Variants in NOSTRIN observed in about 807,000 individuals in gnomAD.
The protein encoded by NOSTRIN is nitric oxide synthase trafficking, also known as BM247 homolog.
In NOSTRIN, 63 loss-of-function variants were observed where a neutral mutation model predicts 59.0. That is an observed-to-expected ratio of 1.07 (90% CI 0.87 to 1.32). The LOEUF (loss-of-function observed/expected upper bound fraction) is 1.32, where lower values mean the gene tolerates loss of function less well. Ranked by LOEUF, NOSTRIN falls within the 40% of genes most tolerant of loss-of-function variation. The pLI, the probability that NOSTRIN is intolerant of heterozygous loss-of-function variation, is 0.00. For synonymous variants in NOSTRIN, 200 were observed against 165.4 expected (o/e 1.21, Z -1.61); for missense variants, 512 against 473.1 (o/e 1.08, Z -0.76).
At chr2:168,838,153 C>G (rs2105692426) in intron 7 of NOSTRIN, among the ~76,000 whole-genome samples, 1 of 152,352 alleles carries the variant, frequency 6.6e-6, no homozygotes, top group East Asian at 1.9e-4. Flanking sequence ...CTGTAAACTG[C>G]TTTCTGACTC....
At chr2:168,864,810 A>ATTTGTCTAACTGTAT in intron 15 of NOSTRIN, 24 bp from the exon 16 acceptor site, 1 of 1,613,272 alleles carries the variant, frequency 6.2e-7, no homozygotes, top group South Asian at 1.1e-5. Flanking sequence ...ACAGAGACCC[A>ATTTGTCTAACTGTAT]TTTGTCTAAC....
upstream of NOSTRIN, among the ~76,000 whole-genome samples, chr2:168,795,969 A>G (rs906427413): frequency 6.6e-6 from 1 of 152,208 alleles, no homozygotes; most frequent in African/African-American, 2.4e-5. Flanking sequence ...AATTTTTTTT[A>G]AAATATGTGC....
chr2:168,860,700 A>G, intron 13 of NOSTRIN, 95 bp from the exon 14 acceptor site: 1 of 810,046 alleles, frequency 1.2e-6, no homozygotes, highest in Admixed American at 2.4e-5. Flanking sequence ...AAACAGAAAA[A>G]ACAACTTGAG....
At chr2:168,816,308 G>A (rs146189468) in intron 2 of NOSTRIN, among the ~76,000 whole-genome samples, 315 of 152,210 alleles carry the variant, frequency 2.1e-3, no homozygotes, top group African/African-American at 7.3e-3. Context: ...TGTTTAAGAC[G>A]CTTCAAAGAC....
At chr2:168,823,218 G>A (rs990463401) in intron 2 of NOSTRIN, among the ~76,000 whole-genome samples, 2 of 151,902 alleles carry the variant, frequency 1.3e-5, no homozygotes, top group East Asian at 1.9e-4. Context: ...GGGTTTCACT[G>A]TGTTAGCCAG....
chr2:168,791,569 T>C (rs1303349996), intron 2 of NOSTRIN, among the ~76,000 whole-genome samples: 1 of 152,244 alleles, frequency 6.6e-6, no homozygotes, highest in African/African-American at 2.4e-5. Flanking sequence ...ATTGCCACAC[T>C]GTCTTCCACA....
chr2:168,856,780 TA>T lies in NOSTRIN; in HGVS notation c.1053+5del. The stretch of plus-strand genomic sequence containing the variant: ...GACACAGCAGCGTTAATGGATGAGG[TA>T]AATGTTTGCCGAGTGCATTTCCTAG... On this transcript the variant is annotated splice_donor_region_variant and intron_variant, in intron 12 of 15. Coordinates refer to ENST00000317647, the MANE Select transcript of NOSTRIN (RefSeq NM_001039724.4). The T allele has an allele frequency of 6.2e-7, 1 of 1,613,338 alleles. No individual in the cohort carries two copies. Among genetic ancestry groups the T allele is most frequent in the Non-Finnish European group, 8.5e-7 (1 of 1,179,262 alleles).
In NOSTRIN at chr2:168,828,141, CT is replaced by C. The variant is rs754502890; in HGVS notation, c.198-9del. ...AAATGACACTCACCTTTGTTCCCCACTTTTTTTTGCCTTTAGTTGTGTTAGC... is the reference window on the plus strand; with the variant it reads ...AAATGACACTCACCTTTGTTCCCCACTTTTTTTGCCTTTAGTTGTGTTAGC... On this transcript the variant is annotated splice_polypyrimidine_tract_variant and intron_variant, in intron 3 of 15. Coordinates refer to ENST00000317647, the MANE Select transcript of NOSTRIN (RefSeq NM_001039724.4). The C allele has an allele frequency of 8.0e-6, 7 of 870,268 alleles. No homozygotes were observed. Among genetic ancestry groups the C allele is most frequent in the Admixed American group, 3.4e-5 (2 of 58,916 alleles). The allele number at this position is 870,268 out of a possible 1,614,324, so 53.9% of individuals were successfully genotyped here.
At chr2:168,804,169 TCA>T (rs968097411) in intron 1 of NOSTRIN, among the ~76,000 whole-genome samples, 1 of 152,200 alleles carries the variant, frequency 6.6e-6, no homozygotes, top group Non-Finnish European at 1.5e-5. Context: ...AGTCAAGTCT[TCA>T]GACGTGGAGA....
At chr2:168,845,053 G>A (rs578185282) in intron 8 of NOSTRIN, among the ~76,000 whole-genome samples, 14 of 150,102 alleles carry the variant, frequency 9.3e-5, no homozygotes, top group Non-Finnish European at 1.8e-4. Flanking sequence ...AATTAAAGGA[G>A]AGATGAAAAC....
intron 8 of NOSTRIN, among the ~76,000 whole-genome samples, chr2:168,849,972 G>A (rs1205807104): frequency 6.7e-6 from 1 of 149,656 alleles, no homozygotes; most frequent in African/African-American, 2.5e-5. Flanking sequence ...CTGGAGTGCA[G>A]TAGCATGATC....
At chr2:168,806,018 T>C (rs1559104201) in intron 1 of NOSTRIN, among the ~76,000 whole-genome samples, 1 of 152,176 alleles carries the variant, frequency 6.6e-6, no homozygotes, top group South Asian at 2.1e-4. Context: ...GACTATGCTC[T>C]TTAATGTTCC....
At chr2:168,858,791 G>C (rs531539604) in intron 12 of NOSTRIN, among the ~76,000 whole-genome samples, 12 of 152,174 alleles carry the variant, frequency 7.9e-5, no homozygotes, top group Admixed American at 2.0e-4. Context: ...CTGGAGGTGT[G>C]GGGGAGAGAG....
intron 2 of NOSTRIN, among the ~76,000 whole-genome samples, chr2:168,791,268 T>G (rs2105497459): frequency 6.6e-6 from 1 of 152,330 alleles, no homozygotes; most frequent in South Asian, 2.1e-4. Context: ...TTGCAATAGT[T>G]TGCTGAGAAT....
At chr2:168,835,408 A>C (rs915940453) in intron 7 of NOSTRIN, among the ~76,000 whole-genome samples, 5 of 152,174 alleles carry the variant, frequency 3.3e-5, no homozygotes, top group African/African-American at 1.2e-4. Flanking sequence ...TTTGTTCATC[A>C]AATTTTTTGT....
At chr2:168,860,156 T>A (rs1366524719) in intron 13 of NOSTRIN, among the ~76,000 whole-genome samples, 1 of 152,190 alleles carries the variant, frequency 6.6e-6, no homozygotes, top group Non-Finnish European at 1.5e-5. Flanking sequence ...TCTCAATCAT[T>A]TACAGGGTTG....
At chr2:168,825,777 C>G (rs1687029285) in intron 3 of NOSTRIN, among the ~76,000 whole-genome samples, 3 of 152,010 alleles carry the variant, frequency 2.0e-5, no homozygotes, top group African/African-American at 7.2e-5. Context: ...CTGACAGTGC[C>G]ATTGTAGAGG....
intron 7 of NOSTRIN, among the ~76,000 whole-genome samples, chr2:168,838,789 CTTTTT>C (rs71003059): frequency 3.8e-4 from 52 of 136,324 alleles, no homozygotes; most frequent in African/African-American, 1.4e-3. Context: ...AAAAAAAACT[CTTTTT>C]TTTTTTTTTT....
rs549301377 is a variant in NOSTRIN at position 168,865,258 on chromosome 2, C to T, written c.*288C>T. The stretch of plus-strand genomic sequence containing the variant: ...TAACCCCTGGTGTCACAGAAACAGA[C>T]GGAGTCCAAGGTGGGTTCAGCTGCT... On this transcript the variant is annotated 3_prime_UTR_variant, in exon 16 of 16. Coordinates refer to ENST00000317647, the MANE Select transcript of NOSTRIN (RefSeq NM_001039724.4). The T allele has an allele frequency of 6.0e-5, 17 of 285,276 alleles. No homozygotes were observed. The South Asian group carries it at 6.5e-4, about 11-fold the overall frequency. 17.7% of individuals were successfully genotyped at this position (285,276 alleles called of 1,614,324 possible). A position where few individuals can be genotyped will look rare whatever the true frequency, so the allele number is the denominator to read the frequency against.
Sources: allele counts gnomAD v4.1 joint callset (sites outside exome capture counted in the v4.1 genomes callset), GRCh38; gene constraint gnomAD v4.1.1; transcripts MANE v1.5; gene names NCBI Gene and HGNC (gene_info 2026-07-23, HGNC 2026-07-21).